The following LRRC7 variants were observed in gnomAD, a reference collection of about 807,000 sequenced individuals.
LRRC7 encodes the protein leucine-rich repeat-containing protein 7.
LRRC7 carries 23 observed loss-of-function variants against 175.7 expected under a neutral mutation model. The ratio of observed to expected loss-of-function variants is 0.13; its 90% CI spans 0.09 to 0.19. LRRC7 has a LOEUF of 0.19. LRRC7 is among the 10% of genes least tolerant of loss of function. LRRC7 has a pLI of 1.00. For synonymous variants in LRRC7, 685 were observed against 680.9 expected (o/e 1.01, Z -0.09); for missense variants, 1,354 against 1,904.7 (o/e 0.71, Z 5.38).
At chr1:69,708,870 A>G (rs1444598816) in intron 2 of LRRC7, among the ~76,000 whole-genome samples, 1 of 152,226 alleles carries the variant, frequency 6.6e-6, no homozygotes. Context: ...TTTAAGGGAT[A>G]AATTGAGAAC....
chr1:69,655,783 T>C (rs187985790), intron 1 of LRRC7, among the ~76,000 whole-genome samples: 69 of 152,198 alleles, frequency 4.5e-4, no homozygotes, highest in Non-Finnish European at 8.8e-4. Context: ...TAGAATTGTA[T>C]CACATTACAT....
At chr1:69,927,922 T>TC (rs977832357) in intron 7 of LRRC7, among the ~76,000 whole-genome samples, 1 of 152,154 alleles carries the variant, frequency 6.6e-6, no homozygotes, top group Admixed American at 6.5e-5. Context: ...CTCTGTTTTT[T>TC]CCCCATCTTT....
At chr1:69,809,594 T>C (rs1321176545) in intron 4 of LRRC7, among the ~76,000 whole-genome samples, 1 of 152,160 alleles carries the variant, frequency 6.6e-6, no homozygotes, top group Non-Finnish European at 1.5e-5. Flanking sequence ...GTTGGCTTCA[T>C]CCCTGAGATG....
rs898668151 is a variant in LRRC7 at position 69,572,048 on chromosome 1, T to A, written c.2+3407T>A. 5.3e-5 allele frequency among the ~76,000 whole-genome samples: 8 copies of A among 152,154 alleles called. No individual in the cohort carries two copies. The East Asian group carries it at 1.3e-3, about 26-fold the overall frequency. On this transcript the variant is annotated intron_variant, in intron 1 of 26. Coordinates refer to ENST00000651989, the MANE Select transcript of LRRC7 (RefSeq NM_001370785.2). ...ACATTCTTTTTTGGAGCCATGTAAA[T>A]TTGCAAGATGACTTTAGGGGAATGT...
At chr1:69,691,643 C>G (rs1008673510) in intron 2 of LRRC7, among the ~76,000 whole-genome samples, 3 of 151,418 alleles carry the variant, frequency 2.0e-5, no homozygotes, top group African/African-American at 7.3e-5. Flanking sequence ...ACAAAAAGAA[C>G]AAAAATTAGC....
At chr1:69,959,119 T>C (rs986861134) in intron 8 of LRRC7, among the ~76,000 whole-genome samples, 1 of 152,078 alleles carries the variant, frequency 6.6e-6, no homozygotes, top group Non-Finnish European at 1.5e-5. Flanking sequence ...ATTCAATCCC[T>C]ATTTCAGGTA....
At chr1:69,770,139 A>G (rs964293792) in intron 3 of LRRC7, among the ~76,000 whole-genome samples, 1 of 152,192 alleles carries the variant, frequency 6.6e-6, no homozygotes, top group African/African-American at 2.4e-5. Context: ...CAAGATTCAA[A>G]TTCCTGCTGC....
intron 1 of LRRC7, among the ~76,000 whole-genome samples, chr1:69,613,788 C>T (rs976599838): frequency 2.6e-5 from 4 of 151,930 alleles, no homozygotes; most frequent in African/African-American, 9.7e-5. Flanking sequence ...TGGTGGATTG[C>T]CTCAAACCAT....
intron 2 of LRRC7, among the ~76,000 whole-genome samples, chr1:69,688,365 C>T (rs1661434064): frequency 6.6e-6 from 1 of 152,026 alleles, no homozygotes; most frequent in African/African-American, 2.4e-5. Flanking sequence ...TCCCAGTGAC[C>T]CAACTGTGAT....
At chr1:69,789,914 C>A (rs1160425951) in intron 3 of LRRC7, among the ~76,000 whole-genome samples, 1 of 151,928 alleles carries the variant, frequency 6.6e-6, no homozygotes, top group Non-Finnish European at 1.5e-5. Flanking sequence ...TACTGTGTGA[C>A]AAACAACGTC....
intron 10 of LRRC7, among the ~76,000 whole-genome samples, chr1:69,990,439 A>G (rs1654330079): frequency 6.6e-6 from 1 of 151,992 alleles, no homozygotes; most frequent in Admixed American, 6.6e-5. Flanking sequence ...AATTTGGTAA[A>G]TTAAATTAAT....
chr1:69,755,512 A>G (rs1215390204), intron 2 of LRRC7, among the ~76,000 whole-genome samples: 1 of 150,368 alleles, frequency 6.7e-6, no homozygotes, highest in East Asian at 1.9e-4. Context: ...ATATATTTAT[A>G]TAAATGCAAT....
intron 7 of LRRC7, among the ~76,000 whole-genome samples, chr1:69,914,019 T>G (rs537748019): frequency 5.9e-5 from 9 of 152,266 alleles, no homozygotes; most frequent in African/African-American, 1.9e-4. Context: ...GGACACAGAC[T>G]AAGCAAAGTG....
intron 2 of LRRC7, among the ~76,000 whole-genome samples, chr1:69,704,085 C>T (rs1227371483): frequency 6.6e-6 from 1 of 151,850 alleles, no homozygotes; most frequent in African/African-American, 2.4e-5. Flanking sequence ...GCCTGTCTTC[C>T]AGGAACCACA....
At chr1:69,781,703 G>GAA (rs1353865628) in intron 3 of LRRC7, among the ~76,000 whole-genome samples, 1 of 23,214 alleles carries the variant, frequency 4.3e-5, no homozygotes, top group Non-Finnish European at 7.3e-5. Flanking sequence ...AAGAAAGAAA[G>GAA]AAAGAAAGAA....
intron 25 of LRRC7, among the ~76,000 whole-genome samples, chr1:70,097,303 T>C (rs1481739468): frequency 3.9e-5 from 6 of 152,202 alleles, no homozygotes; most frequent in Admixed American, 3.9e-4. Context: ...TCTAGCATAT[T>C]CTGACCATAT....
intron 1 of LRRC7, among the ~76,000 whole-genome samples, chr1:69,668,489 G>A (rs1658595149): frequency 6.6e-6 from 1 of 152,148 alleles, no homozygotes; most frequent in Admixed American, 6.5e-5. Flanking sequence ...CCCTTTTTAT[G>A]GAGGCATAGT....
chr1:69,578,892 T>C (rs1027319666), intron 1 of LRRC7, among the ~76,000 whole-genome samples: 2 of 150,744 alleles, frequency 1.3e-5, no homozygotes, highest in African/African-American at 4.9e-5. Context: ...TGTATACATA[T>C]GTAACCTGCA....
At chr1:69,876,122 C>T (rs1443484959) in intron 7 of LRRC7, among the ~76,000 whole-genome samples, 1 of 151,986 alleles carries the variant, frequency 6.6e-6, no homozygotes, top group African/African-American at 2.4e-5. Context: ...TACATATGCC[C>T]GTATATTTCT....
Sources: gnomAD v4.1 joint callset for allele counts (sites outside exome capture counted in the v4.1 genomes callset) on GRCh38, gnomAD v4.1.1 for gene constraint, MANE v1.5 for transcripts, NCBI Gene and HGNC (gene_info 2026-07-23, HGNC 2026-07-21) for gene names.